The following AFF3 variants were observed in gnomAD, a reference collection of about 807,000 sequenced individuals.
AFF3 encodes ALF transcription elongation factor 3, also known as AF4/FMR2 family member 3.
Under a neutral mutation model 129.7 loss-of-function variants are expected in AFF3, and 32 were observed. The ratio of observed to expected loss-of-function variants is 0.25; its 90% CI spans 0.19 to 0.33. AFF3 has a LOEUF of 0.33. Among genes scored for constraint, AFF3 ranks in the 10% least tolerant of loss-of-function variants. AFF3 has a pLI of 1.00. For missense variants in AFF3, 1,373 were observed against 1,592.0 expected (o/e 0.86, Z 2.34); for synonymous variants, 644 against 635.4 (o/e 1.01, Z -0.20).
At chr2:99,882,084 TCTCTCCCCCTCA>T (rs977750214) in intron 7 of AFF3, among the ~76,000 whole-genome samples, 6 of 152,122 alleles carry the variant, frequency 3.9e-5, no homozygotes, top group African/African-American at 1.2e-4. Flanking sequence ...TGTCTCTCTC[TCTCTCCCCCTCA>T]CTCTCCCCAC....
intron 4 of AFF3, among the ~76,000 whole-genome samples, chr2:100,068,193 T>C (rs1400943871): frequency 6.6e-6 from 1 of 152,196 alleles, no homozygotes. Context: ...CTTCATAGCT[T>C]TGACCTGAAC....
intron 8 of AFF3, among the ~76,000 whole-genome samples, chr2:99,774,048 A>G (rs1218018882): frequency 6.6e-6 from 1 of 152,228 alleles, no homozygotes; most frequent in African/African-American, 2.4e-5. Context: ...GGACCTCTTC[A>G]AGAAGAACTA....
chr2:99,603,907 A>T (rs1680081024), intron 13 of AFF3, among the ~76,000 whole-genome samples: 1 of 152,252 alleles, frequency 6.6e-6, no homozygotes, highest in Non-Finnish European at 1.5e-5. Flanking sequence ...GAGAAATGCA[A>T]ATCAAAACCA....
At chr2:100,000,369 G>C (rs879704543) in intron 7 of AFF3, among the ~76,000 whole-genome samples, 1 of 152,120 alleles carries the variant, frequency 6.6e-6, no homozygotes, top group Non-Finnish European at 1.5e-5. Flanking sequence ...AAAATCTCAG[G>C]AGGGGGCTAG....
At chr2:99,839,617 C>CTT (rs147484099) in intron 7 of AFF3, among the ~76,000 whole-genome samples, 38 of 143,538 alleles carry the variant, frequency 2.6e-4, no homozygotes, top group African/African-American at 5.9e-4. Context: ...TTCTTTCTTT[C>CTT]TTTTTTTTTT....
chr2:99,640,760 T>C (rs1310932756), intron 13 of AFF3, among the ~76,000 whole-genome samples: 1 of 152,208 alleles, frequency 6.6e-6, no homozygotes, highest in Admixed American at 6.5e-5. Flanking sequence ...CAAGATGTGG[T>C]TCTTGCTCTC....
intron 4 of AFF3, among the ~76,000 whole-genome samples, chr2:100,069,220 C>T (rs1254431732): frequency 3.3e-5 from 5 of 152,110 alleles, no homozygotes; most frequent in African/African-American, 1.2e-4. Flanking sequence ...GGCTCTGCCA[C>T]CCAAGTGTGA....
rs554434294 is a variant in AFF3, at chr2:99,689,023, C to T, written c.1092-16434G>A. Among the ~76,000 whole-genome samples the T allele has an allele frequency of 4.6e-5, 7 of 152,264 alleles. No homozygotes were observed. In the East Asian group the frequency reaches 1.4e-3, roughly 29 times the overall value. On this transcript the variant is annotated intron_variant, in intron 11 of 24. Coordinates refer to ENST00000672756, the MANE Select transcript of AFF3 (RefSeq NM_001386135.1). The stretch of plus-strand genomic sequence containing the variant: ...GTCCTCTGCACGTGGGTTTTGACTT[C>T]CTCTCTCTCCTCCCTACAGACAACA...
chr2:99,642,177 G>A (rs992102686), intron 13 of AFF3, among the ~76,000 whole-genome samples: 3 of 152,182 alleles, frequency 2.0e-5, no homozygotes, highest in African/African-American at 7.2e-5. Context: ...AGGCTATCTG[G>A]CCCAATCCCC....
intron 8 of AFF3, among the ~76,000 whole-genome samples, chr2:99,770,741 T>A (rs905335054): frequency 2.0e-5 from 3 of 151,856 alleles, no homozygotes; most frequent in African/African-American, 4.8e-5. Context: ...CAAGGCAGTG[T>A]CTCCTTCTGG....
chr2:99,558,970 T>G lies in AFF3; in HGVS notation c.3192-2A>C. ...TACAGGAGGGCCAGGCATCGGTAAC[T>G]GCAGGCGAAAAGAGAAACAGGCCCA... On this transcript the variant is annotated splice_acceptor_variant, in intron 21 of 24. Coordinates refer to ENST00000672756, the MANE Select transcript of AFF3 (RefSeq NM_001386135.1). LOFTEE classifies it high-confidence loss of function. 6.2e-7 allele frequency: 1 copy of G among 1,614,166 alleles called. No individual in the cohort carries two copies. Among genetic ancestry groups the G allele is most frequent in the Non-Finnish European group, 8.5e-7 (1 of 1,179,994 alleles).
intron 7 of AFF3, among the ~76,000 whole-genome samples, chr2:99,933,061 T>C (rs1411371311): frequency 6.6e-6 from 1 of 152,216 alleles, no homozygotes; most frequent in Non-Finnish European, 1.5e-5. Context: ...AAGAGATTGA[T>C]GTTTCCAGAA....
intron 8 of AFF3, among the ~76,000 whole-genome samples, chr2:99,773,146 G>GC (rs1683624026): frequency 6.6e-6 from 1 of 152,142 alleles, no homozygotes; most frequent in South Asian, 2.1e-4. Flanking sequence ...CCTGCTCACT[G>GC]CCTCCTTAAG....
At chr2:99,741,606 G>C (rs527245464) in intron 10 of AFF3, among the ~76,000 whole-genome samples, 2 of 152,258 alleles carry the variant, frequency 1.3e-5, no homozygotes, top group East Asian at 3.9e-4. Flanking sequence ...CATGCTCATG[G>C]GTAGGAAGAA....
rs146210018 is a variant in AFF3 at position 99,862,536 on chromosome 2, C to T, written c.874-25012G>A. Among the ~76,000 whole-genome samples the T allele has an allele frequency of 8.6e-3, 1,303 of 152,344 alleles. 12 individuals are homozygous for T. The highest frequency in any genetic ancestry group is 0.013 in the South Asian group (65 of 4,830). On this transcript the variant is annotated intron_variant, in intron 7 of 24. Coordinates refer to ENST00000672756, the MANE Select transcript of AFF3 (RefSeq NM_001386135.1). ...TTTTCAGGTGCATTTACAGATAATG[C>T]CCCACATCACTAGGTCTGGCCCAGT... is the stretch of plus-strand genomic sequence containing the variant.
chr2:99,978,125 G>C (rs1490382940), intron 7 of AFF3, among the ~76,000 whole-genome samples: 4 of 152,170 alleles, frequency 2.6e-5, no homozygotes, highest in Non-Finnish European at 5.9e-5. Flanking sequence ...TGAGGTTCAG[G>C]AGGAGAATTC....
chr2:99,592,415 T>A (rs1395149042), intron 15 of AFF3, among the ~76,000 whole-genome samples: 2 of 152,164 alleles, frequency 1.3e-5, no homozygotes, highest in Non-Finnish European at 2.9e-5. Context: ...TCTGCCGTAT[T>A]CATTTTCACC....
chr2:99,775,661 C>T (rs1029793998), intron 8 of AFF3, among the ~76,000 whole-genome samples: 1 of 151,642 alleles, frequency 6.6e-6, no homozygotes, highest in South Asian at 2.1e-4. Context: ...GCACATCCTG[C>T]ACATATACCC....
chr2:99,750,063 T>C (rs752891836), intron 9 of AFF3, among the ~76,000 whole-genome samples: 2 of 152,172 alleles, frequency 1.3e-5, no homozygotes, highest in Non-Finnish European at 2.9e-5. Context: ...AGAGGACACT[T>C]AGAATATTGG....
Sources: allele counts gnomAD v4.1 joint callset (sites outside exome capture counted in the v4.1 genomes callset), GRCh38; gene constraint gnomAD v4.1.1; transcripts MANE v1.5; gene names NCBI Gene and HGNC (gene_info 2026-07-23, HGNC 2026-07-21).